ROGDI: variants seen among roughly 807,000 people sequenced by gnomAD.
ROGDI encodes rogdi atypical leucine zipper, also known as protein rogdi homolog.
A neutral mutation model predicts 43.1 loss-of-function variants in ROGDI; 46 were observed. The ratio of observed to expected loss-of-function variants is 1.07; its 90% CI spans 0.84 to 1.37. ROGDI has a LOEUF of 1.37. ROGDI is among the 40% of genes most tolerant of loss of function. The pLI, the probability that ROGDI is intolerant of heterozygous loss-of-function variation, is 0.00. For missense variants in ROGDI, 518 were observed against 383.9 expected (o/e 1.35, Z -2.92); for synonymous variants, 243 against 162.0 (o/e 1.50, Z -3.80).
chr16:4,798,815 G>GTAGT, intron 6 of ROGDI, 148 bp from the exon 7 acceptor site: 1 of 658,542 alleles, frequency 1.5e-6, no homozygotes, highest in Non-Finnish European at 2.6e-6. Flanking sequence ...TTAAAGACAG[G>GTAGT]TAGTTGGGCT....
In ROGDI at chr16:4,797,836, A is replaced by C. The variant is rs1252887236; in HGVS notation, c.700T>G (p.Trp234Gly). 3 of 1,611,066 alleles carry C rather than the reference A, an allele frequency of 1.9e-6. No homozygotes were observed. The highest frequency in any genetic ancestry group is 2.5e-6 in the Non-Finnish European group (3 of 1,179,808). ...CTCACCTCCAGGCGCTGAGAGCCCC[A>C]CTCGCTGTGGGCAGTGAGAGGGTCC... ...VLHSPGAMFE[W>G]GSQRLEVSHV... The change falls in exon 10 of 11, where the codon TGG (tryptophan) becomes GGG (glycine). Residue 234 changes from tryptophan (W) to glycine (G), a missense_variant. Coordinates refer to ENST00000322048, the MANE Select transcript of ROGDI (RefSeq NM_024589.3).
intron 10 of ROGDI, 57 bp from the exon 11 acceptor site, chr16:4,797,558 G>A: frequency 6.3e-7 from 1 of 1,579,016 alleles, no homozygotes; most frequent in Non-Finnish European, 8.7e-7. Context: ...GCCCAGGGGA[G>A]ATGTCAAGGT....
chr16:4,801,881 A>T, intron 2 of ROGDI: 1 of 575,416 alleles, frequency 1.7e-6, no homozygotes, highest in South Asian at 1.9e-5. Context: ...GGCAAGGGGC[A>T]GAGTCAGGGA....
Position 4,801,293 on chromosome 16 carries a change from G to A in ROGDI, c.229C>T (p.Leu77=), listed in dbSNP as rs1384593950. The change falls in exon 4 of 11, where the codon CTG becomes TTG. Residue 77 remains leucine, a synonymous_variant. Coordinates refer to ENST00000322048, the MANE Select transcript of ROGDI (RefSeq NM_024589.3). The part of the protein sequence containing the change: ...GTDQVKGVLT[L]QGDALSQADV... ...GCCTGGCTGAGGGCATCCCCCTGCA[G>A]AGTCAGCACACCCTTCACCTGGTCT... 1 of 1,609,272 alleles carries A rather than the reference G, an allele frequency of 6.2e-7. No individual in the cohort carries two copies. The highest frequency in any genetic ancestry group is 2.2e-5 in the East Asian group (1 of 44,796).
At chr16:4,801,815 C>T in intron 2 of ROGDI, 1 of 597,818 alleles carries the variant, frequency 1.7e-6, no homozygotes, top group Non-Finnish European at 3.0e-6. Context: ...GTGTGCCCGC[C>T]TCGGGGAATA....
Position 4,801,567 on chromosome 16 carries a change from T to G in ROGDI, c.136A>C (p.Thr46Pro), listed in dbSNP as rs1431225006. ...DILKEASLRF[T>P]LPGSGTEGPA... The stretch of plus-strand genomic sequence containing the variant: ...CCCTCAGTGCCGGAGCCCGGCAGAG[T>G]GAAGCGCAGAGAGGCCTCCTGTGGA... Residue 46 changes from threonine (T) to proline (P), a missense_variant, in exon 3 of 11, where the codon ACT (threonine) becomes CCT (proline). Transcript: ENST00000322048. 35 of 1,602,326 alleles carry G rather than the reference T, an allele frequency of 2.2e-5. No individual in the cohort carries two copies. The highest frequency in any genetic ancestry group is 3.0e-5 in the Non-Finnish European group (35 of 1,174,844).
rs571018862 is a variant in ROGDI, at chr16:4,798,570, G to T, written c.530C>A (p.Thr177Lys). 2.4e-5 allele frequency: 38 copies of T among 1,553,508 alleles called. No individual in the cohort carries two copies. The highest frequency in any genetic ancestry group is 1.8e-4 in the Admixed American group (9 of 50,674). Residue 177 changes from threonine to lysine, a missense_variant and splice_region_variant, in exon 7 of 11, where the codon ACG (threonine) becomes AAG (lysine). Physicochemically the swap from Thr to Lys is moderately conservative, Grantham distance 78. Coordinates refer to ENST00000322048, the MANE Select transcript of ROGDI (RefSeq NM_024589.3). Reference protein sequence around the residue: ...TLPEIAASGLTRMFAPALPSD... With the variant: ...TLPEIAASGLKRMFAPALPSD... ...GCAGGGGCTGGCAGGGGCACTGACCGTGAGGCCGCTGGCGGCGATCTCGGG... is the reference window on the plus strand; with the variant it reads ...GCAGGGGCTGGCAGGGGCACTGACCTTGAGGCCGCTGGCGGCGATCTCGGG...
In ROGDI at chr16:4,797,813, C is replaced by A; in HGVS notation, c.723G>T (p.Val241=). The A allele has an allele frequency of 2.5e-6, 4 of 1,612,612 alleles. No individual in the cohort carries two copies. The highest frequency in any genetic ancestry group is 3.4e-6 in the Non-Finnish European group (4 of 1,179,942). Residue 241 remains valine, a synonymous_variant, in exon 10 of 11, where the codon GTG becomes GTT. Transcript: ENST00000322048. ...MFEWGSQRLE[V]SHVHKVECVI... The stretch of plus-strand genomic sequence containing the variant: ...CGCACTCCACTTTGTGCACGTGGCT[C>A]ACCTCCAGGCGCTGAGAGCCCCACT...
intron 10 of ROGDI, 89 bp downstream of exon 10, chr16:4,797,625 C>T (rs2082666991): frequency 6.2e-7 from 1 of 1,601,354 alleles, no homozygotes; most frequent in Non-Finnish European, 8.5e-7. Context: ...CTGTGGGGTA[C>T]ACCAGACCCC....
intron 3 of ROGDI, 84 bp downstream of exon 3, chr16:4,801,419 G>T: frequency 6.4e-7 from 1 of 1,556,176 alleles, no homozygotes; most frequent in Non-Finnish European, 8.8e-7. Flanking sequence ...CGCACAACCA[G>T]CTGGTCTGCA....
intron 2 of ROGDI, 49 bp from the exon 3 acceptor site, chr16:4,801,634 G>C (rs2082721883): frequency 6.7e-7 from 1 of 1,502,070 alleles, no homozygotes; most frequent in African/African-American, 1.4e-5. Flanking sequence ...ACTCAGGCCC[G>C]GCCCAGTGCT....
chr16:4,801,960 G>A, intron 2 of ROGDI: 3 of 575,878 alleles, frequency 5.2e-6, no homozygotes, highest in Non-Finnish European at 9.8e-6. Flanking sequence ...ACTTCTGTGA[G>A]CTGCCTGGCT....
chr16:4,798,907 T>A, intron 6 of ROGDI: 1 of 538,190 alleles, frequency 1.9e-6, no homozygotes, highest in South Asian at 2.6e-5. Flanking sequence ...GGATCCTGGG[T>A]GCTGGATCAA....
chr16:4,797,592 C>T, intron 10 of ROGDI, 91 bp from the exon 11 acceptor site: 6 of 530,192 alleles, frequency 1.1e-5, no homozygotes, highest in Non-Finnish European at 1.5e-5. Flanking sequence ...TATGTCAGGA[C>T]AGGGCATTGC....
At chr16:4,801,404 C>A in intron 3 of ROGDI, 83 bp from the exon 4 acceptor site, 1 of 1,561,292 alleles carries the variant, frequency 6.4e-7, no homozygotes, top group South Asian at 1.1e-5. Context: ...CCCCTCCTGT[C>A]CCATCGCACA....
At chr16:4,797,539 G>T (rs767268661) in intron 10 of ROGDI, 38 bp from the exon 11 acceptor site, 1 of 1,262,454 alleles carries the variant, frequency 7.9e-7, no homozygotes, top group Non-Finnish European at 1.0e-6. Flanking sequence ...GCTGAAGGGG[G>T]ATGGGGTAGC....
intron 4 of ROGDI, chr16:4,801,056 C>CA: frequency 1.9e-6 from 1 of 527,730 alleles, no homozygotes; most frequent in Non-Finnish European, 3.3e-6. Flanking sequence ...AGGCCGTGTG[C>CA]AAAGAACCCC....
Position 4,798,672 on chromosome 16 carries a change from A to C in ROGDI, c.433-5T>G. On this transcript the variant is annotated splice_region_variant and splice_polypyrimidine_tract_variant and intron_variant, in intron 6 of 10. Transcript: ENST00000322048. Reference sequence around the variant, plus strand: ...CAGCATCACTGCGTCCATCAGCTGCAGGGAGAGGCGGGGTTGGCTCTGCGT... The same window carrying C: ...CAGCATCACTGCGTCCATCAGCTGCCGGGAGAGGCGGGGTTGGCTCTGCGT... 2.6e-6 allele frequency: 4 copies of C among 1,558,740 alleles called. No homozygotes were observed. Among genetic ancestry groups the C allele is most frequent in the Non-Finnish European group, 3.5e-6 (4 of 1,154,128 alleles).
chr16:4,801,456 C>A (rs777225428), intron 3 of ROGDI, 47 bp downstream of exon 3: 126 of 1,573,440 alleles, frequency 8.0e-5, no homozygotes, highest in Non-Finnish European at 9.8e-5. Context: ...ATGCCTCCTA[C>A]CCCCCAAGGT....
Sources: gnomAD v4.1 joint callset for allele counts on GRCh38, gnomAD v4.1.1 for gene constraint, MANE v1.5 for transcripts, NCBI Gene and HGNC (gene_info 2026-07-23, HGNC 2026-07-21) for gene names.